Variants in CIMAP3 observed in about 807,000 individuals in gnomAD.
The protein encoded by CIMAP3 is ciliary microtubule-associated protein 3.
the CIMAP3 span, among the ~76,000 whole-genome samples, chr1:111,325,341 A>G: frequency 6.6e-6 from 1 of 152,236 alleles, no homozygotes; most frequent in Non-Finnish European, 1.5e-5. Context: ...TAGTTAGTCA[A>G]TGACAGACTA....
the CIMAP3 span, among the ~76,000 whole-genome samples, chr1:111,350,755 A>G: frequency 2.0e-5 from 3 of 152,378 alleles, no homozygotes; most frequent in East Asian, 3.9e-4. Context: ...TTTAATCTGT[A>G]AAATGGGTAT....
the CIMAP3 span, among the ~76,000 whole-genome samples, chr1:111,333,661 G>A: frequency 6.6e-6 from 1 of 152,186 alleles, no homozygotes; most frequent in Non-Finnish European, 1.5e-5. Context: ...AGGTGGGGAA[G>A]GAGAGGCTGC....
the CIMAP3 span, among the ~76,000 whole-genome samples, chr1:111,343,033 A>G: frequency 1.5e-4 from 23 of 152,258 alleles, no homozygotes; most frequent in Admixed American, 1.3e-3. Flanking sequence ...CTATTTTGGA[A>G]CTGGAAGTCC....
the CIMAP3 span, among the ~76,000 whole-genome samples, chr1:111,340,129 G>GTGC: frequency 2.0e-5 from 3 of 152,038 alleles, no homozygotes; most frequent in African/African-American, 7.3e-5. Context: ...TTAATAAATG[G>GTGC]TGCTGGGAAA....
At chr1:111,347,645 TTGTTTG>T in the CIMAP3 span, 1 of 1,380,052 alleles carries the variant, frequency 7.2e-7, no homozygotes, top group Non-Finnish European at 1.0e-6. Context: ...TTTGGTGTTT[TTGTTTG>T]TTTTTTAATA....
chr1:111,347,620 T>TTTTTTTTTTTTTTTTTTTTGGTG, the CIMAP3 span: 1 of 1,091,638 alleles, frequency 9.2e-7, no homozygotes, highest in Non-Finnish European at 1.3e-6. Context: ...TGTTTTTTCT[T>TTTTTTTTTTTTTTTTTTTTGGTG]TCTTTTTTTT....
the CIMAP3 span, chr1:111,348,295 T>G: frequency 2.2e-4 from 77 of 356,120 alleles, 1 homozygote; most frequent in Admixed American, 2.7e-3. Context: ...CATCCTAGAT[T>G]TATTTCTACA....
At chr1:111,342,184 TAACATATA>T in the CIMAP3 span, among the ~76,000 whole-genome samples, 2 of 151,952 alleles carry the variant, frequency 1.3e-5, no homozygotes, top group South Asian at 4.2e-4. Flanking sequence ...AAGAAGCAAA[TAACATATA>T]AGGATCCCCA....
chr1:111,352,381 C>T, the CIMAP3 span: 1 of 152,680 alleles, frequency 6.5e-6, no homozygotes, highest in Non-Finnish European at 1.5e-5. Context: ...AGAGAGCCTA[C>T]TGTAACCCTC....
the CIMAP3 span, among the ~76,000 whole-genome samples, chr1:111,337,249 A>T: frequency 6.6e-6 from 1 of 152,248 alleles, no homozygotes; most frequent in South Asian, 2.1e-4. Flanking sequence ...AATCATGCCA[A>T]AATGTAAAGA....
chr1:111,337,536 G>C, the CIMAP3 span, among the ~76,000 whole-genome samples: 1 of 151,906 alleles, frequency 6.6e-6, no homozygotes, highest in East Asian at 1.9e-4. Context: ...AAAAAAGGCA[G>C]GGGTTGCAAT....
At chr1:111,346,645 A>C in the CIMAP3 span, 2 of 1,614,114 alleles carry the variant, frequency 1.2e-6, no homozygotes, top group Non-Finnish European at 1.7e-6. Context: ...TAGCCCTAGC[A>C]GCTCGCGATG....
the CIMAP3 span, chr1:111,347,887 A>T: frequency 1.4e-6 from 1 of 737,718 alleles, no homozygotes. Flanking sequence ...AAATTAAAGA[A>T]AAGTAGGCAT....
chr1:111,349,571 G>A, the CIMAP3 span: 1 of 152,540 alleles, frequency 6.6e-6, no homozygotes, highest in African/African-American at 2.4e-5. Context: ...GAAGCATTGA[G>A]TCTTGACCCC....
the CIMAP3 span, among the ~76,000 whole-genome samples, chr1:111,335,150 AAAAGAC>A: frequency 1.4e-4 from 20 of 139,316 alleles, 1 homozygote; most frequent in East Asian, 2.1e-4. Context: ...AAAAAAAAAA[AAAAGAC>A]AGAAAAAAAA....
At chr1:111,345,911 AATCCCGTC>A in the CIMAP3 span, among the ~76,000 whole-genome samples, 1 of 152,182 alleles carries the variant, frequency 6.6e-6, no homozygotes, top group African/African-American at 2.4e-5. Context: ...GAACTGTTTT[AATCCCGTC>A]ATCTTGATCC....
chr1:111,338,183 A>T, the CIMAP3 span, among the ~76,000 whole-genome samples: 1 of 152,076 alleles, frequency 6.6e-6, no homozygotes, highest in Admixed American at 6.5e-5. Flanking sequence ...AATCTCTGGG[A>T]CACATTCAAA....
the CIMAP3 span, chr1:111,346,696 A>G: frequency 3.1e-6 from 5 of 1,609,446 alleles, no homozygotes; most frequent in East Asian, 2.2e-5. Flanking sequence ...CGAGAAGCCT[A>G]GAGTAGAGGG....
chr1:111,344,280 T>C, the CIMAP3 span, among the ~76,000 whole-genome samples: 8 of 152,230 alleles, frequency 5.3e-5, no homozygotes, highest in Non-Finnish European at 1.5e-5. Context: ...GGTCTATTTC[T>C]TGTTTACCCT....
Sources: allele counts gnomAD v4.1 joint callset (sites outside exome capture counted in the v4.1 genomes callset), GRCh38; gene constraint gnomAD v4.1.1; transcripts MANE v1.5; gene names NCBI Gene and HGNC (gene_info 2026-07-23, HGNC 2026-07-21).